Variants in LSS observed in about 807,000 individuals in gnomAD.
LSS encodes the protein lanosterol synthase, also known as 2,3-epoxysqualene-lanosterol cyclase.
Under a neutral mutation model 110.3 loss-of-function variants are expected in LSS, and 90 were observed. The observed-to-expected ratio is 0.82, with a 90% confidence interval of 0.69 to 0.97. LSS has a LOEUF of 0.97. Among genes scored for constraint, LSS ranks in the 50% least tolerant of loss-of-function variants. The pLI is 0.00. For synonymous variants in LSS, 433 were observed against 400.0 expected (o/e 1.08, Z -0.98); for missense variants, 927 against 990.0 (o/e 0.94, Z 0.85).
At chr21:46,221,335 A>T (rs2080277282) in intron 5 of LSS, among the ~76,000 whole-genome samples, 1 of 141,588 alleles carries the variant, frequency 7.1e-6, no homozygotes, top group Admixed American at 7.3e-5. Context: ...AACAAACAGA[A>T]TTACCTGGTT....
chr21:46,215,175 C>G lies in LSS; in HGVS notation c.1011+5G>C. On this transcript the variant is annotated splice_donor_5th_base_variant and intron_variant, in intron 9 of 21. Transcript: ENST00000397728. Reference sequence around the variant, plus strand: ...TGCAGTCAGAGGCCGGGCAGGGGCACTGACCGGGCCGATGCTGATGCTCTT... The same window carrying G: ...TGCAGTCAGAGGCCGGGCAGGGGCAGTGACCGGGCCGATGCTGATGCTCTT... 2 of 1,608,270 alleles carry G rather than the reference C, an allele frequency of 1.2e-6. No homozygotes were observed. Among genetic ancestry groups the G allele is most frequent in the Non-Finnish European group, 1.7e-6 (2 of 1,179,354 alleles).
rs142247529 is a variant in LSS, at chr21:46,191,025, T to TG, written c.*78dup. 6.4e-7 allele frequency: 1 copy of TG among 1,555,456 alleles called. No individual in the cohort carries two copies. On this transcript the variant is annotated 3_prime_UTR_variant, in exon 22 of 22. Coordinates refer to ENST00000397728, the MANE Select transcript of LSS (RefSeq NM_002340.6). ...GGGGTTGGAGCCCAAGACAGGGTTA[T>TG]GGGAGGGCTCCCCAACCCGGCCAGG...
In LSS at chr21:46,209,428, G is replaced by T. The variant is rs2080097830; in HGVS notation, c.1266+126C>A. On this transcript the variant is annotated intron_variant, in intron 13 of 21. Transcript: ENST00000397728. This position sits in a 1 kb window ranked among gnomAD's most constrained non-coding sequence, Gnocchi z 4.4. ...GCTAGGGAGGGGATGGGAGGGTGGGGGTGACCTGAAACACCAGTGCAGGAA... is the reference window on the plus strand; with the variant it reads ...GCTAGGGAGGGGATGGGAGGGTGGGTGTGACCTGAAACACCAGTGCAGGAA... 1 of 833,498 alleles carries T rather than the reference G, an allele frequency of 1.2e-6. No homozygotes were observed. The highest frequency in any genetic ancestry group is 1.8e-6 in the Non-Finnish European group (1 of 541,288). 51.6% of individuals were successfully genotyped at this position (833,498 alleles called of 1,614,324 possible). A position where few individuals can be genotyped will look rare whatever the true frequency, so the allele number is the denominator to read the frequency against.
chr21:46,211,293 A>AT (rs976725553), intron 11 of LSS, among the ~76,000 whole-genome samples: 7 of 151,922 alleles, frequency 4.6e-5, no homozygotes, highest in African/African-American at 7.3e-5. Context: ...CACCCAGCTA[A>AT]TTTTTTTTGT....
intron 17 of LSS, among the ~76,000 whole-genome samples, chr21:46,196,938 G>A (rs1460011423): frequency 6.6e-6 from 1 of 152,252 alleles, no homozygotes; most frequent in Non-Finnish European, 1.5e-5. Flanking sequence ...ATGGGATCGT[G>A]CCGAGGACCC....
chr21:46,204,119 C>A (rs1402033229), intron 17 of LSS, among the ~76,000 whole-genome samples: 1 of 152,004 alleles, frequency 6.6e-6, no homozygotes, highest in African/African-American at 2.4e-5. Flanking sequence ...ATGGTAAAAC[C>A]CTGTCTCTAA....
intron 15 of LSS, among the ~76,000 whole-genome samples, chr21:46,207,109 A>G (rs1462932202): frequency 2.0e-5 from 3 of 152,320 alleles, no homozygotes; most frequent in African/African-American, 7.2e-5. Context: ...ACCAAAACCA[A>G]CACCAACAAA....
chr21:46,195,623 A>G, intron 19 of LSS, 53 bp downstream of exon 19: 1 of 1,475,588 alleles, frequency 6.8e-7, no homozygotes, highest in Non-Finnish European at 9.5e-7. Flanking sequence ...AACACTCATG[A>G]CAGAGCATTG....
chr21:46,210,067 T>C (rs909116474), intron 12 of LSS, among the ~76,000 whole-genome samples: 7 of 146,336 alleles, frequency 4.8e-5, no homozygotes, highest in Non-Finnish European at 1.1e-4. Flanking sequence ...CCAGTTCTTT[T>C]TTTTTTTTTT....
chr21:46,205,653 C>G (rs1265934994), intron 17 of LSS, among the ~76,000 whole-genome samples, 183 bp downstream of exon 17: 1 of 152,222 alleles, frequency 6.6e-6, no homozygotes, highest in Non-Finnish European at 1.5e-5. Context: ...TTCTGAGCCC[C>G]TAACAGATAT....
Position 46,196,990 on chromosome 21 carries a change from C to T in LSS, c.1671-723G>A, listed in dbSNP as rs565093915. On this transcript the variant is annotated intron_variant, in intron 17 of 21. Coordinates refer to ENST00000397728, the MANE Select transcript of LSS (RefSeq NM_002340.6). ...GATCCTTCCTCACTGGAAGCTCAGG[C>T]GAGACCCCGGTCCTGGCTAACACCC... is the stretch of plus-strand genomic sequence containing the variant. Among the ~76,000 whole-genome samples the T allele has an allele frequency of 1.8e-3, 281 of 152,348 alleles. 14 individuals are homozygous for T. The South Asian group carries it at 0.056, about 30-fold the overall frequency.
chr21:46,196,056 C>A, intron 18 of LSS, 146 bp downstream of exon 18: 1 of 804,130 alleles, frequency 1.2e-6, no homozygotes, highest in Non-Finnish European at 2.0e-6. Flanking sequence ...GAACGAGGTC[C>A]CCCAGAAGTC....
rs181059072 is a variant in LSS, at chr21:46,216,277, C to T, written c.783+112G>A. The stretch of plus-strand genomic sequence containing the variant: ...GGAGGCTCTGCTCCACAGGGCTCTC[C>T]GCTCCACAGGGCCACCAGGTGAGTG... On this transcript the variant is annotated intron_variant, in intron 7 of 21. Transcript: ENST00000397728. This position sits in a 1 kb window ranked among gnomAD's most constrained non-coding sequence, Gnocchi z 4.2. 409 of 1,385,740 alleles carry T rather than the reference C, an allele frequency of 3.0e-4. No individual in the cohort carries two copies. The African/African-American group carries it at 4.6e-3, about 16-fold the overall frequency. The allele number at this position is 1,385,740 out of a possible 1,614,324, so 85.8% of individuals were successfully genotyped here.
intron 4 of LSS, 124 bp from the exon 5 acceptor site, chr21:46,222,099 A>G (rs1424884385): frequency 2.8e-6 from 3 of 1,080,602 alleles, no homozygotes; most frequent in African/African-American, 1.6e-5. Context: ...CTGACATAAC[A>G]TGCCAACACA....
chr21:46,219,813 C>CCA (rs1442600516), intron 5 of LSS, among the ~76,000 whole-genome samples: 5 of 152,192 alleles, frequency 3.3e-5, no homozygotes, highest in African/African-American at 1.2e-4. Flanking sequence ...GTGTGTCCAG[C>CCA]CCCAGGAGAG....
At chr21:46,206,254 C>A (rs2080047359) in intron 16 of LSS, among the ~76,000 whole-genome samples, 1 of 152,214 alleles carries the variant, frequency 6.6e-6, no homozygotes, top group Admixed American at 6.5e-5. Flanking sequence ...TCCCCCAAGA[C>A]CAGTACGGTG....
At chr21:46,227,987 C>T (rs1156744233) in intron 2 of LSS, among the ~76,000 whole-genome samples, 1 of 152,182 alleles carries the variant, frequency 6.6e-6, no homozygotes, top group Non-Finnish European at 1.5e-5. Flanking sequence ...CGGGTGCCGA[C>T]CTGGGCCTGG....
chr21:46,217,125 T>C (rs1309578492), intron 6 of LSS, among the ~76,000 whole-genome samples: 2 of 151,424 alleles, frequency 1.3e-5, no homozygotes, highest in African/African-American at 4.9e-5. Context: ...TGTGTGCCTC[T>C]AGTCCCAGCT....
intron 17 of LSS, among the ~76,000 whole-genome samples, chr21:46,199,509 T>C (rs1351922185): frequency 1.3e-5 from 2 of 152,242 alleles, no homozygotes; most frequent in Non-Finnish European, 2.9e-5. Context: ...TCATGCTTCT[T>C]GGCATTTACC....
Sources: allele counts gnomAD v4.1 joint callset (sites outside exome capture counted in the v4.1 genomes callset), GRCh38; gene constraint gnomAD v4.1.1; non-coding constraint Gnocchi (gnomAD v3.1); transcripts MANE v1.5; gene names NCBI Gene and HGNC (gene_info 2026-07-23, HGNC 2026-07-21).